The following NBEA variants were observed in gnomAD, a reference collection of about 807,000 sequenced individuals.
NBEA encodes the protein lysosomal-trafficking regulator 2.
In NBEA, 44 loss-of-function variants were observed where a neutral mutation model predicts 343.4. The ratio of observed to expected loss-of-function variants is 0.13; its 90% CI spans 0.10 to 0.16. NBEA has a LOEUF of 0.16. Among genes scored for constraint, NBEA ranks in the 10% least tolerant of loss-of-function variants. The pLI is 1.00. For synonymous variants in NBEA, 1,175 were observed against 1,238.7 expected (o/e 0.95, Z 1.08); for missense variants, 2,555 against 3,631.3 (o/e 0.70, Z 7.62).
intron 17 of NBEA, among the ~76,000 whole-genome samples, chr13:35,134,350 A>G (rs1242072381): frequency 6.6e-6 from 1 of 151,872 alleles, no homozygotes; most frequent in East Asian, 1.9e-4. Flanking sequence ...TTCATGGCTA[A>G]AGAAGATATA....
chr13:35,022,767 G>A (rs914016487), intron 1 of NBEA, among the ~76,000 whole-genome samples: 3 of 152,064 alleles, frequency 2.0e-5, no homozygotes, highest in Non-Finnish European at 4.4e-5. Flanking sequence ...GTTATTTAAT[G>A]TATGCCAACC....
chr13:35,506,432 T>A (rs7332538), intron 41 of NBEA, among the ~76,000 whole-genome samples: 148,148 of 151,638 alleles, frequency 0.98, 72,471 homozygotes, highest in East Asian at 1. Context: ...ATACTTAGAA[T>A]TTTTTTTTTA....
chr13:35,106,274 G>C (rs1355162396), intron 11 of NBEA, among the ~76,000 whole-genome samples: 1 of 151,798 alleles, frequency 6.6e-6, no homozygotes, highest in Non-Finnish European at 1.5e-5. Context: ...CTTTACTTGA[G>C]AAAATGAAAA....
In NBEA at chr13:35,398,313, A is replaced by C. The variant is rs146841530; in HGVS notation, c.6180-33956A>C. ...TGAAGGTTGAAATTAGCTTCTCCCA[A>C]ACTCCTGTTAATGTTGATATTTTGA... On this transcript the variant is annotated intron_variant, in intron 38 of 58. Coordinates refer to ENST00000379939, the MANE Select transcript of NBEA (RefSeq NM_001385012.1). Among the ~76,000 whole-genome samples the C allele has an allele frequency of 5.2e-3, 798 of 152,222 alleles. 5 individuals carry two copies. Among genetic ancestry groups the C allele is most frequent in the South Asian group, 0.035 (171 of 4,830 alleles).
chr13:35,561,125 G>T (rs373636363), intron 44 of NBEA, among the ~76,000 whole-genome samples: 17 of 152,144 alleles, frequency 1.1e-4, no homozygotes, highest in African/African-American at 2.9e-4. Context: ...ATATAGCACC[G>T]TCAGTATCAC....
chr13:34,978,481 C>G (rs1453643604), intron 1 of NBEA, among the ~76,000 whole-genome samples: 3 of 152,106 alleles, frequency 2.0e-5, no homozygotes, highest in African/African-American at 7.2e-5. Context: ...GTTTGGCTAC[C>G]TCCCCACCAT....
chr13:35,288,850 GT>G (rs2035610745), intron 34 of NBEA, among the ~76,000 whole-genome samples: 1 of 151,862 alleles, frequency 6.6e-6, no homozygotes, highest in South Asian at 2.1e-4. Flanking sequence ...TCTTTGAGTA[GT>G]CAACAGGTGA....
intron 33 of NBEA, among the ~76,000 whole-genome samples, chr13:35,231,867 C>T (rs946615313): frequency 2.6e-5 from 4 of 152,086 alleles, no homozygotes; most frequent in South Asian, 2.1e-4. Context: ...TTTTCCTCCT[C>T]CCCATTTTTT....
chr13:35,093,992 T>G (rs897955813), intron 10 of NBEA, among the ~76,000 whole-genome samples: 2 of 151,946 alleles, frequency 1.3e-5, no homozygotes, highest in Non-Finnish European at 2.9e-5. Flanking sequence ...TATAGTAATA[T>G]AAGAGATTTA....
chr13:35,141,722 T>A (rs532537632), intron 17 of NBEA, among the ~76,000 whole-genome samples: 1 of 152,338 alleles, frequency 6.6e-6, no homozygotes, highest in East Asian at 1.9e-4. Context: ...TAGAAAGATA[T>A]TTTTTAAATC....
At chr13:35,475,926 G>A (rs141042514) in intron 41 of NBEA, 21 of 1,614,054 alleles carry the variant, frequency 1.3e-5, no homozygotes, top group African/African-American at 1.3e-5. Context: ...CAAATTCGGT[G>A]GGGGAGATGA....
rs554932429 is a variant in NBEA, at chr13:34,960,943, A to C, written c.294+17829A>C. 2.0e-5 allele frequency among the ~76,000 whole-genome samples: 3 copies of C among 152,270 alleles called. No individual in the cohort carries two copies. In the South Asian group the frequency reaches 6.2e-4, roughly 31 times the overall value. On this transcript the variant is annotated intron_variant, in intron 1 of 58. Transcript: ENST00000379939. ...TAATATATTTTAGTTACTGTATGAC[A>C]AACTGTCACTCAGTGTGACAGCTGA...
intron 17 of NBEA, among the ~76,000 whole-genome samples, chr13:35,139,637 T>C (rs2067955677): frequency 6.6e-6 from 1 of 151,144 alleles, no homozygotes; most frequent in Non-Finnish European, 1.5e-5. Context: ...AAGCCTTTCC[T>C]GAACTAAACC....
At chr13:35,433,832 G>A (rs1436212231) in intron 39 of NBEA, among the ~76,000 whole-genome samples, 3 of 151,922 alleles carry the variant, frequency 2.0e-5, no homozygotes, top group African/African-American at 7.2e-5. Flanking sequence ...AGAAATATCT[G>A]CCTACCTAGT....
intron 44 of NBEA, among the ~76,000 whole-genome samples, chr13:35,558,423 T>C (rs946540585): frequency 1.2e-4 from 19 of 152,120 alleles, no homozygotes; most frequent in African/African-American, 4.6e-4. Flanking sequence ...AATTGAAATA[T>C]GATTAAGAGT....
chr13:35,107,313 A>G (rs1286631076), intron 11 of NBEA, among the ~76,000 whole-genome samples: 1 of 151,554 alleles, frequency 6.6e-6, no homozygotes, highest in Non-Finnish European at 1.5e-5. Context: ...TATTTAGATC[A>G]TTTCCACCAT....
At chr13:35,062,616 A>G (rs909587456) in intron 8 of NBEA, among the ~76,000 whole-genome samples, 13 of 151,914 alleles carry the variant, frequency 8.6e-5, no homozygotes, top group African/African-American at 3.1e-4. Context: ...GACATTGATA[A>G]GGGAACAATA....
At chr13:35,533,846 C>G (rs1392534009) in intron 41 of NBEA, among the ~76,000 whole-genome samples, 2 of 152,296 alleles carry the variant, frequency 1.3e-5, no homozygotes, top group Admixed American at 1.3e-4. Flanking sequence ...ACACACTATA[C>G]TGAGCACCAG....
intron 35 of NBEA, among the ~76,000 whole-genome samples, chr13:35,302,007 A>T (rs1363621388): frequency 6.6e-6 from 1 of 152,184 alleles, no homozygotes; most frequent in Non-Finnish European, 1.5e-5. Context: ...AAAGTCATTA[A>T]TTCTCCAACT....
Sources: gnomAD v4.1 joint callset for allele counts (sites outside exome capture counted in the v4.1 genomes callset) on GRCh38, gnomAD v4.1.1 for gene constraint, MANE v1.5 for transcripts, NCBI Gene and HGNC (gene_info 2026-07-23, HGNC 2026-07-21) for gene names.